The following THSD7B variants were observed in gnomAD, a reference collection of about 807,000 sequenced individuals.
The protein encoded by THSD7B is thrombospondin type-1 domain-containing protein 7B.
A neutral mutation model predicts 213.6 loss-of-function variants in THSD7B; 138 were observed. The observed-to-expected ratio is 0.65, with a 90% CI of 0.56 to 0.74. The LOEUF (loss-of-function observed/expected upper bound fraction) is 0.74. Ranked by LOEUF, THSD7B falls within the 30% of genes least tolerant of loss-of-function variation. The pLI, the probability that THSD7B is intolerant of heterozygous loss-of-function variation, is 0.00. For synonymous variants in THSD7B, 742 were observed against 687.0 expected (o/e 1.08, Z -1.25); for missense variants, 1,931 against 1,991.5 (o/e 0.97, Z 0.58).
At chr2:137,612,672 A>G (rs1002877800) in intron 17 of THSD7B, among the ~76,000 whole-genome samples, 1 of 152,160 alleles carries the variant, frequency 6.6e-6, no homozygotes, top group Admixed American at 6.6e-5. Context: ...TTTTCTCATT[A>G]TATTTGACTA....
chr2:137,617,619 A>G (rs1247499827), intron 18 of THSD7B, among the ~76,000 whole-genome samples: 1 of 152,226 alleles, frequency 6.6e-6, no homozygotes, highest in African/African-American at 2.4e-5. Context: ...TGGATTTAGT[A>G]TTGAAAATGT....
At chr2:137,672,791 G>A (rs973751154) in intron 27 of THSD7B, among the ~76,000 whole-genome samples, 2 of 152,132 alleles carry the variant, frequency 1.3e-5, no homozygotes, top group Non-Finnish European at 2.9e-5. Flanking sequence ...CAAAAAAATA[G>A]CCTTCTAAAG....
At chr2:137,000,538 A>T (rs1378502080) in intron 2 of THSD7B, among the ~76,000 whole-genome samples, 2 of 152,130 alleles carry the variant, frequency 1.3e-5, no homozygotes, top group African/African-American at 4.8e-5. Context: ...CTGGTAATGC[A>T]CCCATAATTT....
intron 13 of THSD7B, among the ~76,000 whole-genome samples, chr2:137,409,665 G>A (rs1686604039): frequency 6.6e-6 from 1 of 152,174 alleles, no homozygotes; most frequent in Non-Finnish European, 1.5e-5. Flanking sequence ...ATGTTGCCTT[G>A]GGGAACCCCA....
chr2:136,952,594 C>T (rs575445988), intron 2 of THSD7B, among the ~76,000 whole-genome samples: 1 of 152,166 alleles, frequency 6.6e-6, no homozygotes, highest in South Asian at 2.1e-4. Context: ...CAGACCCAAA[C>T]CCACTTTAAT....
At chr2:137,336,499 TTAAA>T (rs964621644) in intron 12 of THSD7B, among the ~76,000 whole-genome samples, 2 of 152,162 alleles carry the variant, frequency 1.3e-5, no homozygotes, top group African/African-American at 4.8e-5. Flanking sequence ...GTTAAAGAAC[TTAAA>T]TAACCTTCTA....
chr2:137,477,851 G>A (rs1688224311), intron 15 of THSD7B, among the ~76,000 whole-genome samples: 1 of 151,750 alleles, frequency 6.6e-6, no homozygotes, highest in Non-Finnish European at 1.5e-5. Context: ...AACTTTGCTG[G>A]GCATAGAATT....
chr2:137,284,542 T>C (rs1683120502), intron 12 of THSD7B, among the ~76,000 whole-genome samples: 7 of 152,156 alleles, frequency 4.6e-5, no homozygotes, highest in Admixed American at 4.6e-4. Context: ...CATTTAGTGC[T>C]ATAAATTTCC....
chr2:137,292,759 C>A (rs567936608), intron 12 of THSD7B, among the ~76,000 whole-genome samples: 28 of 152,246 alleles, frequency 1.8e-4, no homozygotes, highest in Admixed American at 7.2e-4. Flanking sequence ...TCTTTAACTC[C>A]CAACTGCAAT....
intron 5 of THSD7B, among the ~76,000 whole-genome samples, chr2:137,140,187 A>G (rs976777577): frequency 6.6e-6 from 1 of 152,116 alleles, no homozygotes; most frequent in African/African-American, 2.4e-5. Flanking sequence ...CTAGATGTAC[A>G]TGCAGAATAT....
intron 12 of THSD7B, among the ~76,000 whole-genome samples, chr2:137,328,771 G>A (rs549869881): frequency 2.6e-4 from 40 of 152,268 alleles, no homozygotes; most frequent in Admixed American, 4.6e-4. Flanking sequence ...TGCTATTCTC[G>A]TGATAGTAAG....
chr2:136,784,407 T>A (rs1313641615), intron 1 of THSD7B, among the ~76,000 whole-genome samples: 1 of 146,832 alleles, frequency 6.8e-6, no homozygotes, highest in Non-Finnish European at 1.5e-5. Flanking sequence ...TAGGCACAGA[T>A]TTTTTTTTTG....
intron 20 of THSD7B, among the ~76,000 whole-genome samples, chr2:137,632,266 AG>A (rs1352047274): frequency 6.6e-6 from 1 of 152,250 alleles, no homozygotes; most frequent in African/African-American, 2.4e-5. Flanking sequence ...GGAACACAAA[AG>A]GCAGTGAAAT....
At chr2:137,531,773 ATGTGCTT>A (rs1378921384) in intron 15 of THSD7B, among the ~76,000 whole-genome samples, 2 of 151,958 alleles carry the variant, frequency 1.3e-5, no homozygotes, top group Non-Finnish European at 2.9e-5. Flanking sequence ...CTTAATGCTC[ATGTGCTT>A]TATACCACTA....
At chr2:136,774,677 A>T (rs1681569032) in intron 1 of THSD7B, among the ~76,000 whole-genome samples, 1 of 152,104 alleles carries the variant, frequency 6.6e-6, no homozygotes, top group Admixed American at 6.6e-5. Flanking sequence ...TAAGAACAAG[A>T]CGTCTGTTAG....
At chr2:137,546,395 T>TAA (rs1480170788) in intron 15 of THSD7B, among the ~76,000 whole-genome samples, 872 of 33,206 alleles carry the variant, frequency 0.026, 57 homozygotes, top group Middle Eastern at 0.039. Flanking sequence ...ATTATATATA[T>TAA]TATATATATT....
chr2:137,546,474 ATATAATATATATAT>A (rs1680739822), intron 15 of THSD7B, among the ~76,000 whole-genome samples: 2 of 58,968 alleles, frequency 3.4e-5, no homozygotes, highest in African/African-American at 1.6e-4. Context: ...ATATATATAT[ATATAATATATATAT>A]ATATATATTA....
chr2:137,565,980 A>G (rs1681229992), intron 16 of THSD7B, among the ~76,000 whole-genome samples: 1 of 152,140 alleles, frequency 6.6e-6, no homozygotes, highest in Non-Finnish European at 1.5e-5. Flanking sequence ...ACAATGCACC[A>G]TGCTGTATGT....
chr2:137,614,393 C>T (rs1308149273), intron 17 of THSD7B, among the ~76,000 whole-genome samples: 1 of 152,026 alleles, frequency 6.6e-6, no homozygotes, highest in East Asian at 1.9e-4. Flanking sequence ...GTTTTATTTT[C>T]TCTTTTACTT....
Sources: allele counts gnomAD v4.1 joint callset (sites outside exome capture counted in the v4.1 genomes callset), GRCh38; gene constraint gnomAD v4.1.1; transcripts MANE v1.5; gene names NCBI Gene and HGNC (gene_info 2026-07-23, HGNC 2026-07-21).